PRKG1: variants seen among roughly 807,000 people sequenced by gnomAD.
PRKG1 encodes cGMP-dependent protein kinase 1.
A neutral mutation model predicts 88.1 loss-of-function variants in PRKG1; 35 were observed. The observed-to-expected ratio is 0.40, with a 90% confidence interval of 0.30 to 0.53. The LOEUF (loss-of-function observed/expected upper bound fraction) is 0.53. PRKG1 is among the 20% of genes least tolerant of loss of function. PRKG1 has a pLI of 0.59. For synonymous variants in PRKG1, 303 were observed against 292.5 expected (o/e 1.04, Z -0.37); for missense variants, 540 against 839.8 (o/e 0.64, Z 4.41).
At chr10:52,200,823 T>A (rs1356752864) in intron 9 of PRKG1, among the ~76,000 whole-genome samples, 2 of 152,200 alleles carry the variant, frequency 1.3e-5, no homozygotes, top group Non-Finnish European at 2.9e-5. Context: ...TTGAGCATTT[T>A]TTTCTTATGC....
At chr10:51,268,837 C>G (rs1297904427) in intron 2 of PRKG1, among the ~76,000 whole-genome samples, 1 of 152,174 alleles carries the variant, frequency 6.6e-6, no homozygotes, top group African/African-American at 2.4e-5. Context: ...GAAATCTTCA[C>G]AATTTATGTT....
intron 3 of PRKG1, among the ~76,000 whole-genome samples, chr10:51,617,498 A>T (rs1410119941): frequency 6.6e-6 from 1 of 152,110 alleles, no homozygotes; most frequent in East Asian, 1.9e-4. Context: ...TGGCTTTCCT[A>T]GCCCACCACA....
chr10:51,113,142 G>A (rs1050216962), intron 1 of PRKG1, among the ~76,000 whole-genome samples: 1 of 152,190 alleles, frequency 6.6e-6, no homozygotes, highest in African/African-American at 2.4e-5. Flanking sequence ...GCATCGCAAT[G>A]TGCTGGAAAA....
At chr10:51,815,374 A>C (rs1839558520) in intron 4 of PRKG1, among the ~76,000 whole-genome samples, 1 of 152,224 alleles carries the variant, frequency 6.6e-6, no homozygotes, top group Non-Finnish European at 1.5e-5. Context: ...GTAACAAACA[A>C]ATTCAGAGAG....
At chr10:51,499,924 A>G (rs1840973331) in intron 3 of PRKG1, among the ~76,000 whole-genome samples, 1 of 152,178 alleles carries the variant, frequency 6.6e-6, no homozygotes, top group Non-Finnish European at 1.5e-5. Flanking sequence ...ATGCCACTAC[A>G]TTCCAGCCCA....
At chr10:51,489,392 G>A (rs1840644643) in intron 3 of PRKG1, among the ~76,000 whole-genome samples, 2 of 152,132 alleles carry the variant, frequency 1.3e-5, no homozygotes, top group African/African-American at 2.4e-5. Flanking sequence ...GGCACAGTGG[G>A]TAGGCATGAA....
chr10:51,612,441 G>A (rs1233858535), intron 3 of PRKG1, among the ~76,000 whole-genome samples: 1 of 151,774 alleles, frequency 6.6e-6, no homozygotes, highest in African/African-American at 2.4e-5. Flanking sequence ...TTTCATTATT[G>A]TTGTATAGAA....
At chr10:52,027,002 C>T (rs1395266151) in intron 5 of PRKG1, among the ~76,000 whole-genome samples, 2 of 151,758 alleles carry the variant, frequency 1.3e-5, no homozygotes, top group African/African-American at 2.4e-5. Flanking sequence ...AGGCGAATTT[C>T]GTGATATATG....
At chr10:51,867,691 G>A (rs1821052922) in intron 4 of PRKG1, among the ~76,000 whole-genome samples, 2 of 152,096 alleles carry the variant, frequency 1.3e-5, no homozygotes, top group Non-Finnish European at 2.9e-5. Flanking sequence ...AATTGGGGAT[G>A]GAGCTGAACA....
At chr10:51,547,880 A>G (rs1318005601) in intron 3 of PRKG1, among the ~76,000 whole-genome samples, 2 of 152,118 alleles carry the variant, frequency 1.3e-5, no homozygotes, top group Non-Finnish European at 2.9e-5. Flanking sequence ...ATTACGACAA[A>G]AAGCTGTCAC....
chr10:51,457,789 C>A (rs1156950220), intron 2 of PRKG1, among the ~76,000 whole-genome samples: 1 of 152,052 alleles, frequency 6.6e-6, no homozygotes, highest in Non-Finnish European at 1.5e-5. Context: ...TCCTTGACTG[C>A]CAAATAGAGG....
intron 1 of PRKG1, among the ~76,000 whole-genome samples, chr10:51,020,652 T>A (rs1293386440): frequency 6.6e-6 from 1 of 152,180 alleles, no homozygotes; most frequent in East Asian, 1.9e-4. Flanking sequence ...CTTGGCAATA[T>A]GAACAGTTTT....
At chr10:50,994,505 C>G (rs2660219) in intron 1 of PRKG1, among the ~76,000 whole-genome samples, 133,903 of 149,910 alleles carry the variant, frequency 0.89, 59,948 homozygotes, top group African/African-American at 0.95. Flanking sequence ...CCGCCTCCCG[C>G]GTTCACGCCA....
At chr10:51,850,943 A>T (rs897350089) in intron 4 of PRKG1, among the ~76,000 whole-genome samples, 4 of 152,140 alleles carry the variant, frequency 2.6e-5, no homozygotes, top group Non-Finnish European at 5.9e-5. Context: ...AATGCTTTAT[A>T]GGTATCTTTA....
intron 7 of PRKG1, among the ~76,000 whole-genome samples, chr10:52,102,340 C>T (rs1040275276): frequency 2.0e-5 from 3 of 152,086 alleles, no homozygotes; most frequent in Non-Finnish European, 2.9e-5. Flanking sequence ...AAGGCACAAA[C>T]ATCACAACCA....
chr10:52,233,762 T>C (rs965409833), intron 9 of PRKG1, among the ~76,000 whole-genome samples: 1 of 150,872 alleles, frequency 6.6e-6, no homozygotes, highest in African/African-American at 2.4e-5. Context: ...TGCCCAGGCT[T>C]GCTTAGGTAA....
rs570790811 is a variant in PRKG1, at chr10:51,047,517, G to A, written c.266+55873G>A. 2.0e-3 allele frequency among the ~76,000 whole-genome samples: 306 copies of A among 151,286 alleles called. 1 individual carries two copies. The highest frequency in any genetic ancestry group is 7.0e-3 in the African/African-American group (289 of 41,160). On this transcript the variant is annotated intron_variant, in intron 1 of 17. Coordinates refer to the PRKG1 transcript ENST00000401604. ...AATGTTGATCCATGAGATAAATTGA[G>A]CTTACAGATTTATTGTGTATGTTTT...
chr10:51,676,571 A>C (rs564286685), intron 3 of PRKG1, among the ~76,000 whole-genome samples: 1 of 152,300 alleles, frequency 6.6e-6, no homozygotes, highest in South Asian at 2.1e-4. Context: ...TGAAGAACCA[A>C]TCAGCAGCAT....
At chr10:51,749,285 C>CT (rs1309901655) in intron 3 of PRKG1, among the ~76,000 whole-genome samples, 2 of 152,132 alleles carry the variant, frequency 1.3e-5, no homozygotes, top group Non-Finnish European at 2.9e-5. Flanking sequence ...ATACTATAAA[C>CT]TAGGTGGCTT....
Sources: gnomAD v4.1 joint callset for allele counts (sites outside exome capture counted in the v4.1 genomes callset) on GRCh38, gnomAD v4.1.1 for gene constraint, MANE v1.5 for transcripts, NCBI Gene and HGNC (gene_info 2026-07-23, HGNC 2026-07-21) for gene names.